TXK: variants seen among roughly 807,000 people sequenced by gnomAD.
TXK encodes TXK tyrosine kinase, also known as tyrosine-protein kinase TXK.
TXK carries 60 observed loss-of-function variants against 81.0 expected under a neutral mutation model. That is an observed-to-expected ratio of 0.74 (90% CI 0.60 to 0.92). The LOEUF is 0.92. Among genes scored for constraint, TXK ranks in the 40% least tolerant of loss-of-function variants. The pLI is 0.00. For missense variants in TXK, 581 were observed against 638.3 expected, an observed-to-expected ratio of 0.91 and a Z score of 0.97; for synonymous variants, 203 against 210.7, an observed-to-expected ratio of 0.96 and a Z score of 0.32.
At chr4:48,085,417 A>AG (rs1717483714) in intron 10 of TXK, among the ~76,000 whole-genome samples, 1 of 152,286 alleles carries the variant, frequency 6.6e-6, no homozygotes, top group East Asian at 1.9e-4. Context: ...GAAAAAAAAA[A>AG]GAGTACTTGT....
At chr4:48,120,326 AC>A (rs574228227) in intron 1 of TXK, among the ~76,000 whole-genome samples, 21 of 149,580 alleles carry the variant, frequency 1.4e-4, no homozygotes, top group Middle Eastern at 3.6e-3. Context: ...ATACATATAT[AC>A]GTATATATAC....
intron 11 of TXK, among the ~76,000 whole-genome samples, chr4:48,077,727 T>C (rs549012420): frequency 6.6e-6 from 1 of 152,324 alleles, no homozygotes; most frequent in African/African-American, 2.4e-5. Context: ...TTAGGGATTT[T>C]TTTTTTAATG....
chr4:48,113,366 C>T (rs1319136734), intron 2 of TXK, 57 bp from the exon 3 acceptor site: 9 of 1,324,518 alleles, frequency 6.8e-6, no homozygotes, highest in Non-Finnish European at 9.5e-6. Flanking sequence ...GTTATCTATA[C>T]ATCCACTAGA....
intron 9 of TXK, 94 bp downstream of exon 9, chr4:48,089,656 T>TGCTAGGATTACA: frequency 9.5e-7 from 1 of 1,047,554 alleles, no homozygotes; most frequent in Non-Finnish European, 1.5e-6. Flanking sequence ...CCTCCCAAAG[T>TGCTAGGATTACA]GCTAGGATTA....
chr4:48,101,594 A>T (rs1718198062), intron 6 of TXK, among the ~76,000 whole-genome samples: 1 of 152,060 alleles, frequency 6.6e-6, no homozygotes, highest in Non-Finnish European at 1.5e-5. Context: ...TTTTAAAATA[A>T]AAATTAGAAA....
chr4:48,080,186 G>T (rs752648774), intron 10 of TXK, 58 bp from the exon 11 acceptor site: 1 of 1,307,026 alleles, frequency 7.7e-7, no homozygotes, highest in Non-Finnish European at 1.1e-6. Context: ...TTAAATGTTT[G>T]AACATAACTG....
intron 1 of TXK, among the ~76,000 whole-genome samples, chr4:48,115,414 A>AGCCAT: frequency 6.6e-6 from 1 of 152,294 alleles, no homozygotes; most frequent in South Asian, 2.1e-4. Flanking sequence ...TATTCCATAA[A>AGCCAT]ACATAGGCTC....
At chr4:48,094,345 G>A (rs1196425922) in intron 7 of TXK, 141 bp from the exon 8 acceptor site, 2 of 927,554 alleles carry the variant, frequency 2.2e-6, no homozygotes, top group East Asian at 5.3e-5. Context: ...AATTCAACAA[G>A]TGCCCCCCCA....
At chr4:48,112,217 G>T in intron 4 of TXK, 90 bp downstream of exon 4, 1 of 1,188,666 alleles carries the variant, frequency 8.4e-7, no homozygotes, top group Admixed American at 1.8e-5. Flanking sequence ...TCCATTTCAT[G>T]CAGAGGGAAG....
intron 1 of TXK, 47 bp from the exon 2 acceptor site, chr4:48,114,449 G>A (rs1718739510): frequency 6.4e-7 from 1 of 1,570,430 alleles, no homozygotes; most frequent in African/African-American, 1.4e-5. Flanking sequence ...ATGAGTACGT[G>A]ATATTGAGGG....
At chr4:48,129,306 T>G (rs1391876472) in intron 1 of TXK, among the ~76,000 whole-genome samples, 2 of 152,206 alleles carry the variant, frequency 1.3e-5, no homozygotes, top group Admixed American at 1.3e-4. Context: ...ATGGATAAAA[T>G]AAGTGAGTAA....
intron 11 of TXK, 53 bp from the exon 12 acceptor site, chr4:48,076,519 G>GA: frequency 6.6e-7 from 1 of 1,507,282 alleles, no homozygotes; most frequent in African/African-American, 1.4e-5. Context: ...TATTTCAAGA[G>GA]TTTTTCCTCT....
intron 1 of TXK, among the ~76,000 whole-genome samples, chr4:48,129,621 T>C (rs1193862423): frequency 6.6e-6 from 1 of 152,194 alleles, no homozygotes; most frequent in Non-Finnish European, 1.5e-5. Context: ...GAAATCTTCC[T>C]GATGATGACC....
intron 12 of TXK, among the ~76,000 whole-genome samples, chr4:48,074,407 G>A (rs1402098948): frequency 6.6e-6 from 1 of 152,150 alleles, no homozygotes; most frequent in Non-Finnish European, 1.5e-5. Flanking sequence ...CTCTTCCCAG[G>A]GGTGGGGAAA....
chr4:48,073,241 G>T (rs746191275), intron 13 of TXK, among the ~76,000 whole-genome samples: 1 of 152,030 alleles, frequency 6.6e-6, no homozygotes, highest in Non-Finnish European at 1.5e-5. Flanking sequence ...CCTTATTGTA[G>T]ACAATAAAAC....
intron 9 of TXK, among the ~76,000 whole-genome samples, chr4:48,087,127 T>A (rs1465011177): frequency 6.6e-6 from 1 of 152,212 alleles, no homozygotes; most frequent in Non-Finnish European, 1.5e-5. Context: ...TGAAATCATC[T>A]AATAAACAAA....
At chr4:48,132,094 G>T (rs1474772728) in intron 1 of TXK, among the ~76,000 whole-genome samples, 1 of 151,302 alleles carries the variant, frequency 6.6e-6, no homozygotes, top group Admixed American at 6.6e-5. Flanking sequence ...TCCTATGAGG[G>T]GATTTCGCTT....
At chr4:48,074,255 C>T (rs535314331) in intron 12 of TXK, among the ~76,000 whole-genome samples, 9 of 152,266 alleles carry the variant, frequency 5.9e-5, no homozygotes, top group East Asian at 1.9e-4. Flanking sequence ...ATTTGTTTTA[C>T]GTGGACCTCT....
chr4:48,094,242 A>AT, intron 7 of TXK, 38 bp from the exon 8 acceptor site: 1 of 1,607,258 alleles, frequency 6.2e-7, no homozygotes, highest in Admixed American at 1.7e-5. Context: ...GAAATGTGAA[A>AT]GATCAATTTG....
Sources: allele counts gnomAD v4.1 joint callset (sites outside exome capture counted in the v4.1 genomes callset), GRCh38; gene constraint gnomAD v4.1.1; transcripts MANE v1.5; gene names NCBI Gene and HGNC (gene_info 2026-07-23, HGNC 2026-07-21).